The following GRIK3 variants were observed in gnomAD, a reference collection of about 807,000 sequenced individuals.
The protein encoded by GRIK3 is glutamate receptor ionotropic, kainate 3.
GRIK3 carries 29 observed loss-of-function variants against 102.5 expected under a neutral mutation model. The observed-to-expected ratio is 0.28, with a 90% CI of 0.21 to 0.39. The LOEUF (loss-of-function observed/expected upper bound fraction) is 0.39, where lower values mean the gene tolerates loss of function less well. Among genes scored for constraint, GRIK3 ranks in the 10% least tolerant of loss-of-function variants. The probability of loss-of-function intolerance (pLI) is 1.00; values close to 1 mark genes in which losing one functional copy is unlikely to be tolerated. For synonymous variants in GRIK3, 511 were observed against 504.9 expected (o/e 1.01, Z -0.16); for missense variants, 908 against 1,252.4 (o/e 0.73, Z 4.15).
At chr1:36,971,292 T>C (rs1228048388) in intron 1 of GRIK3, among the ~76,000 whole-genome samples, 1 of 152,208 alleles carries the variant, frequency 6.6e-6, no homozygotes, top group Non-Finnish European at 1.5e-5. Context: ...AGGGCTTTAT[T>C]CAAGAGCTTG....
intron 1 of GRIK3, among the ~76,000 whole-genome samples, chr1:36,946,842 A>G (rs890259789): frequency 1.3e-5 from 2 of 152,086 alleles, no homozygotes; most frequent in African/African-American, 2.4e-5. Flanking sequence ...CTACCCCGAC[A>G]CTGTCTCCAC....
At chr1:36,879,348 G>T (rs1472592172) in intron 3 of GRIK3, among the ~76,000 whole-genome samples, 1 of 152,140 alleles carries the variant, frequency 6.6e-6, no homozygotes, top group Non-Finnish European at 1.5e-5. Flanking sequence ...TACAAAATTA[G>T]CCAGGTGTGG....
chr1:36,891,606 T>C (rs1326856292), intron 1 of GRIK3, among the ~76,000 whole-genome samples: 4 of 152,218 alleles, frequency 2.6e-5, no homozygotes, highest in African/African-American at 7.2e-5. Context: ...GAAGAAATAC[T>C]TCCTTGAAAC....
intron 1 of GRIK3, among the ~76,000 whole-genome samples, chr1:36,925,495 A>G (rs1253426654): frequency 6.6e-6 from 1 of 152,252 alleles, no homozygotes; most frequent in Non-Finnish European, 1.5e-5. Context: ...GGAGAGAGTG[A>G]GCTTTGATCA....
intron 10 of GRIK3, 56 bp downstream of exon 10, chr1:36,841,680 T>G (rs553882): frequency 0.16 from 227,961 of 1,454,916 alleles, 18,837 homozygotes; most frequent in African/African-American, 0.22. Flanking sequence ...TGCAGACAGT[T>G]CTAGGCCAAG....
intron 1 of GRIK3, among the ~76,000 whole-genome samples, chr1:37,019,165 C>T (rs886209030): frequency 6.6e-6 from 1 of 152,198 alleles, no homozygotes; most frequent in African/African-American, 2.4e-5. Context: ...GCTTTCACCC[C>T]CTACTTACAC....
chr1:37,018,112 ATCTT>A (rs1184797543), intron 1 of GRIK3, among the ~76,000 whole-genome samples: 1 of 152,076 alleles, frequency 6.6e-6, no homozygotes, highest in African/African-American at 2.4e-5. Flanking sequence ...CCTAAACCTC[ATCTT>A]TGGGAAGGTG....
Position 36,890,999 on chromosome 1 carries a change from C to T in GRIK3, c.213G>A (p.Arg71=). Reference sequence around the variant, plus strand: ...TCAAGGTTGTGTTGGGCAGCAGAGTCCTGTTCCTGTTGATGATGTTGGCAG... The same window carrying T: ...TCAAGGTTGTGTTGGGCAGCAGAGTTCTGTTCCTGTTGATGATGTTGGCAG... The part of the protein sequence containing the change: ...RFSANIINRN[R]TLLPNTTLTY... The change falls in exon 2 of 16, where the codon AGG becomes AGA. Residue 71 remains arginine (R), a synonymous_variant. Coordinates refer to ENST00000373091, the MANE Select transcript of GRIK3 (RefSeq NM_000831.4). 2 of 1,613,974 alleles carry T rather than the reference C, an allele frequency of 1.2e-6. No homozygotes were observed. The highest frequency in any genetic ancestry group is 2.2e-5 in the South Asian group (2 of 91,050).
intron 13 of GRIK3, among the ~76,000 whole-genome samples, chr1:36,811,130 G>T (rs1642556857): frequency 6.6e-6 from 1 of 152,240 alleles, no homozygotes; most frequent in Admixed American, 6.5e-5. Context: ...AAGACAAGGT[G>T]TGTGAAGCGT....
intron 13 of GRIK3, among the ~76,000 whole-genome samples, chr1:36,809,397 AC>A (rs1642537532): frequency 6.6e-6 from 1 of 152,100 alleles, no homozygotes; most frequent in Non-Finnish European, 1.5e-5. Context: ...CTGTTCTCTT[AC>A]CCACCTATCC....
At chr1:36,825,406 G>T (rs1307988650) in intron 11 of GRIK3, among the ~76,000 whole-genome samples, 197 bp downstream of exon 11, 3 of 152,054 alleles carry the variant, frequency 2.0e-5, no homozygotes, top group African/African-American at 4.8e-5. Context: ...ATTCAAGCGT[G>T]GGGGTGGGGA....
chr1:36,869,716 C>A, intron 5 of GRIK3, 32 bp downstream of exon 5: 1 of 1,537,610 alleles, frequency 6.5e-7, no homozygotes, highest in Non-Finnish European at 9.0e-7. Flanking sequence ...AGTCCCACCC[C>A]TTTCCCGTGC....
rs1474693450 is a variant in GRIK3, at chr1:37,019,126, T to TA, written c.115+14867dup. Among the ~76,000 whole-genome samples, 22 of 152,302 alleles carry TA rather than the reference T, an allele frequency of 1.4e-4. No individual in the cohort carries two copies. In the South Asian group the frequency reaches 3.9e-3, roughly 27 times the overall value. ...AGACAGACTATGTCCCTTGGAGACT[T>TA]ACAAATTGGGTACTAACCCCTTCCT... On this transcript the variant is annotated intron_variant, in intron 1 of 15. Coordinates refer to ENST00000373091, the MANE Select transcript of GRIK3 (RefSeq NM_000831.4).
At chr1:36,804,925 G>T in intron 15 of GRIK3, 62 bp downstream of exon 15, 1 of 1,582,304 alleles carries the variant, frequency 6.3e-7, no homozygotes. Flanking sequence ...GCACATACAG[G>T]AGTGAAATCA....
intron 5 of GRIK3, among the ~76,000 whole-genome samples, chr1:36,865,567 AT>A (rs1640774410): frequency 6.6e-6 from 1 of 152,140 alleles, no homozygotes; most frequent in African/African-American, 2.4e-5. Context: ...GCTCCAACCG[AT>A]GGGGTTCTGC....
chr1:36,883,960 C>T (rs1051254384), intron 2 of GRIK3, among the ~76,000 whole-genome samples: 1 of 152,324 alleles, frequency 6.6e-6, no homozygotes, highest in Admixed American at 6.5e-5. Context: ...GAGATTGCCA[C>T]TTAAGGGCAA....
intron 1 of GRIK3, among the ~76,000 whole-genome samples, chr1:37,015,388 C>T (rs1001091718): frequency 2.6e-5 from 4 of 152,144 alleles, no homozygotes; most frequent in Non-Finnish European, 4.4e-5. Context: ...CCGGAGGTTC[C>T]GCAAAGAAAA....
chr1:36,822,741 C>T (rs1325373553), intron 11 of GRIK3, among the ~76,000 whole-genome samples: 1 of 152,130 alleles, frequency 6.6e-6, no homozygotes, highest in African/African-American at 2.4e-5. Flanking sequence ...TGCAATGTGG[C>T]CCCCAGGAAG....
intron 1 of GRIK3, among the ~76,000 whole-genome samples, chr1:36,993,380 A>G (rs1389642121): frequency 1.3e-5 from 2 of 152,120 alleles, no homozygotes; most frequent in African/African-American, 4.8e-5. Flanking sequence ...TCTCCGCCTC[A>G]GCCTCCTGAG....
Sources: gnomAD v4.1 joint callset for allele counts (sites outside exome capture counted in the v4.1 genomes callset) on GRCh38, gnomAD v4.1.1 for gene constraint, MANE v1.5 for transcripts, NCBI Gene and HGNC (gene_info 2026-07-23, HGNC 2026-07-21) for gene names.